Variants in VCL observed in about 807,000 individuals in gnomAD.
VCL encodes the protein vinculin, also known as epididymis luminal protein 114.
VCL carries 47 observed loss-of-function variants against 125.7 expected under a neutral mutation model. That is an observed-to-expected ratio of 0.37 (90% CI 0.30 to 0.48). The LOEUF is 0.48. VCL is among the 20% of genes least tolerant of loss of function. The pLI, the probability that VCL is intolerant of heterozygous loss-of-function variation, is 0.99. For synonymous variants in VCL, 458 were observed against 514.6 expected (o/e 0.89, Z 1.49); for missense variants, 1,069 against 1,455.5 (o/e 0.73, Z 4.32).
At chr10:74,093,238 AG>A (rs1392591655) in intron 10 of VCL, among the ~76,000 whole-genome samples, 1 of 152,136 alleles carries the variant, frequency 6.6e-6, no homozygotes, top group Non-Finnish European at 1.5e-5. Flanking sequence ...CAGAGGTTGC[AG>A]TGAGCCGAGA....
At chr10:74,011,069 G>A (rs574978064) in intron 1 of VCL, among the ~76,000 whole-genome samples, 1 of 151,696 alleles carries the variant, frequency 6.6e-6, no homozygotes, top group Admixed American at 6.6e-5. Flanking sequence ...TACATGGGAG[G>A]CTGAGGCAGG....
At chr10:74,111,730 C>T (rs181755234) in intron 18 of VCL, among the ~76,000 whole-genome samples, 179 bp from the exon 19 acceptor site, 31 of 152,180 alleles carry the variant, frequency 2.0e-4, no homozygotes, top group African/African-American at 6.7e-4. Flanking sequence ...GGCTGAGTGG[C>T]GCTGGAGGCT....
intron 1 of VCL, among the ~76,000 whole-genome samples, chr10:74,003,830 C>T (rs1178352125): frequency 6.6e-6 from 1 of 152,160 alleles, no homozygotes; most frequent in Non-Finnish European, 1.5e-5. Context: ...ACAGATCCTC[C>T]CACCTCAGCC....
At chr10:74,006,448 C>G (rs1840326093) in intron 1 of VCL, among the ~76,000 whole-genome samples, 1 of 152,228 alleles carries the variant, frequency 6.6e-6, no homozygotes, top group South Asian at 2.1e-4. Flanking sequence ...CCTCCTGTTA[C>G]AGTCCTGGAG....
At chr10:74,000,905 G>A (rs1591643357) in intron 1 of VCL, among the ~76,000 whole-genome samples, 1 of 152,328 alleles carries the variant, frequency 6.6e-6, no homozygotes, top group Middle Eastern at 3.4e-3. Flanking sequence ...GTAGCTATGG[G>A]TTAGCAGAGA....
At chr10:74,113,194 T>G (rs2131938574) in intron 19 of VCL, among the ~76,000 whole-genome samples, 1 of 152,334 alleles carries the variant, frequency 6.6e-6, no homozygotes, top group South Asian at 2.1e-4. Context: ...TTTTGAACAC[T>G]GCAGTTGCTA....
chr10:74,104,795 G>A (rs1564532736), intron 15 of VCL: 2 of 512,492 alleles, frequency 3.9e-6, no homozygotes, highest in Admixed American at 3.2e-5. Context: ...TGGTTGTCTG[G>A]GGTGGATACA....
chr10:74,050,551 C>A (rs933343084), intron 2 of VCL, among the ~76,000 whole-genome samples: 1 of 152,070 alleles, frequency 6.6e-6, no homozygotes, highest in Admixed American at 6.6e-5. Context: ...GGTCATCAGG[C>A]CTTGTAGCTT....
intron 1 of VCL, among the ~76,000 whole-genome samples, chr10:74,028,757 G>A (rs947393422): frequency 6.6e-6 from 1 of 152,004 alleles, no homozygotes; most frequent in African/African-American, 2.4e-5. Flanking sequence ...AGTAAAAGGT[G>A]TTCATTTTAT....
chr10:74,033,559 CT>C (rs1404838613), intron 1 of VCL, among the ~76,000 whole-genome samples: 1 of 152,184 alleles, frequency 6.6e-6, no homozygotes, highest in African/African-American at 2.4e-5. Flanking sequence ...ATTGATCCCC[CT>C]GCCCCTATCT....
chr10:74,010,615 A>G (rs35923041), intron 1 of VCL, among the ~76,000 whole-genome samples: 547 of 152,014 alleles, frequency 3.6e-3, no homozygotes, highest in Non-Finnish European at 4.5e-3. Context: ...TTAACTATAT[A>G]TAGATGCACC....
intron 10 of VCL, among the ~76,000 whole-genome samples, chr10:74,090,721 A>G (rs151296214): frequency 1.3e-5 from 2 of 152,182 alleles, no homozygotes; most frequent in Admixed American, 1.3e-4. Flanking sequence ...CAGCCTCCCC[A>G]CAGCCTCCTC....
At chr10:74,072,613 A>C (rs1841678346) in intron 4 of VCL, 117 bp from the exon 5 acceptor site, 2 of 1,475,834 alleles carry the variant, frequency 1.4e-6, no homozygotes, top group Admixed American at 1.8e-5. Flanking sequence ...CTGTTGTTTA[A>C]ATAAGTGAGC....
intron 2 of VCL, among the ~76,000 whole-genome samples, chr10:74,045,268 T>G (rs1364002578): frequency 7.2e-6 from 1 of 138,640 alleles, no homozygotes; most frequent in Non-Finnish European, 1.5e-5. Flanking sequence ...GAGAGACGGA[T>G]AGATAGATAG....
chr10:74,007,315 A>C (rs1840337877), intron 1 of VCL, among the ~76,000 whole-genome samples: 1 of 152,092 alleles, frequency 6.6e-6, no homozygotes, highest in South Asian at 2.1e-4. Context: ...ACAACTTCCC[A>C]GTCTTTCACT....
At chr10:74,054,517 A>G (rs1484211689) in intron 2 of VCL, among the ~76,000 whole-genome samples, 2 of 152,182 alleles carry the variant, frequency 1.3e-5, no homozygotes, top group African/African-American at 4.8e-5. Context: ...TATTGTATCT[A>G]TCACTTCATT....
intron 2 of VCL, among the ~76,000 whole-genome samples, chr10:74,044,389 A>G (rs1285496448): frequency 1.3e-5 from 2 of 152,226 alleles, no homozygotes; most frequent in African/African-American, 4.8e-5. Flanking sequence ...TAAGAATAAC[A>G]TAAGACTTTC....
intron 1 of VCL, among the ~76,000 whole-genome samples, chr10:74,023,361 A>C (rs1317150739): frequency 6.6e-6 from 1 of 152,256 alleles, no homozygotes; most frequent in Non-Finnish European, 1.5e-5. Context: ...GGCATGTAGT[A>C]GGCTATACCG....
intron 2 of VCL, among the ~76,000 whole-genome samples, chr10:74,049,225 G>T (rs1253192108): frequency 6.6e-6 from 1 of 151,914 alleles, no homozygotes; most frequent in Non-Finnish European, 1.5e-5. Context: ...TTTCATTGAA[G>T]TATAATATGC....
Sources: gnomAD v4.1 joint callset for allele counts (sites outside exome capture counted in the v4.1 genomes callset) on GRCh38, gnomAD v4.1.1 for gene constraint, MANE v1.5 for transcripts, NCBI Gene and HGNC (gene_info 2026-07-23, HGNC 2026-07-21) for gene names.